The following SHLD1 variants were observed in gnomAD, a reference collection of about 807,000 sequenced individuals.
SHLD1 encodes the protein RINN1-REV7-interacting novel NHEJ regulator 3.
In SHLD1, 3 loss-of-function variants were observed where a neutral mutation model predicts 5.5. That is an observed-to-expected ratio of 0.54 (90% confidence interval 0.25 to 1.40). The LOEUF (loss-of-function observed/expected upper bound fraction) is 1.40, where lower values mean the gene tolerates loss of function less well. Ranked by LOEUF, SHLD1 falls within the 40% of genes most tolerant of loss-of-function variation. The probability of loss-of-function intolerance (pLI) is 0.15; values close to 1 mark genes in which losing one functional copy is unlikely to be tolerated. For missense variants in SHLD1, 210 were observed against 244.4 expected, an observed-to-expected ratio of 0.86 and a Z score of 0.94; for synonymous variants, 92 against 94.3, an observed-to-expected ratio of 0.98 and a Z score of 0.14.
intron 2 of SHLD1, among the ~76,000 whole-genome samples, chr20:5,809,261 C>G (rs1206601968): frequency 2.0e-5 from 3 of 152,056 alleles, no homozygotes; most frequent in African/African-American, 7.3e-5. Context: ...CATTTTAATT[C>G]CATGAAACAA....
intron 2 of SHLD1, among the ~76,000 whole-genome samples, chr20:5,830,210 A>G (rs1466187353): frequency 6.6e-6 from 1 of 152,234 alleles, no homozygotes; most frequent in Non-Finnish European, 1.5e-5. Context: ...GGCCCTAACT[A>G]GAAACTCTAT....
Position 5,863,004 on chromosome 20 carries a change from G to T in SHLD1, c.179-20G>T. 1 of 1,548,326 alleles carries T rather than the reference G, an allele frequency of 6.5e-7. No individual in the cohort carries two copies. Among genetic ancestry groups the T allele is most frequent in the Non-Finnish European group, 8.7e-7 (1 of 1,149,150 alleles). ...TTTTTGATTGTGTGTTTGAGTATTG[G>T]AATACGTTTTGTCTTGCAGACACCA... On this transcript the variant is annotated intron_variant, in intron 2 of 2. Transcript: ENST00000303142.
chr20:5,829,912 T>C (rs16991336), intron 2 of SHLD1, among the ~76,000 whole-genome samples: 13,065 of 152,076 alleles, frequency 0.086, 1,066 homozygotes, highest in African/African-American at 0.2. Context: ...TCTGTGAAGA[T>C]AATATTTTTA....
chr20:5,854,139 G>A (rs2088050585), intron 2 of SHLD1, among the ~76,000 whole-genome samples: 1 of 152,018 alleles, frequency 6.6e-6, no homozygotes, highest in Non-Finnish European at 1.5e-5. Flanking sequence ...CCAAGAAGCT[G>A]AGATTACAGG....
chr20:5,796,085 G>T (rs2087208707), intron 2 of SHLD1, among the ~76,000 whole-genome samples: 1 of 152,020 alleles, frequency 6.6e-6, no homozygotes, highest in Non-Finnish European at 1.5e-5. Context: ...GTAAAGATTA[G>T]CTGTTGAAGC....
At chr20:5,770,627 G>A (rs60664448) in intron 1 of SHLD1, among the ~76,000 whole-genome samples, 2 of 152,306 alleles carry the variant, frequency 1.3e-5, no homozygotes, top group East Asian at 1.9e-4. Flanking sequence ...AGTCCTTCCA[G>A]CAGGCATTTG....
At chr20:5,764,905 A>G (rs1302214837) in intron 1 of SHLD1, among the ~76,000 whole-genome samples, 1 of 152,080 alleles carries the variant, frequency 6.6e-6, no homozygotes, top group Non-Finnish European at 1.5e-5. Context: ...TTATGTGTGC[A>G]CCTTGATTGA....
In SHLD1 at chr20:5,863,375, C is replaced by T. The variant is rs1382666052; in HGVS notation, c.530C>T (p.Thr177Ile). 2.0e-5 allele frequency: 32 copies of T among 1,614,192 alleles called. No individual in the cohort carries two copies. The highest frequency in any genetic ancestry group is 2.7e-5 in the Non-Finnish European group (32 of 1,180,034). ...THFYPLEEGS[T>I]SLDDEKPNPG... ...TTCTACCCACTGGAGGAAGGAAGTACATCTTTGGATGATGAAAAGCCAAAC... is the reference window on the plus strand; with the variant it reads ...TTCTACCCACTGGAGGAAGGAAGTATATCTTTGGATGATGAAAAGCCAAAC... The change falls in exon 3 of 3, where the codon ACA (threonine) becomes ATA (isoleucine). Residue 177 changes from threonine (T) to isoleucine (I), a missense_variant. By Grantham distance (89) the Thr-to-Ile change is moderately conservative. Coordinates refer to ENST00000303142, the MANE Select transcript of SHLD1 (RefSeq NM_152504.4).
At chr20:5,860,674 A>C (rs756325849) in intron 2 of SHLD1, among the ~76,000 whole-genome samples, 8 of 151,914 alleles carry the variant, frequency 5.3e-5, no homozygotes, top group Non-Finnish European at 8.8e-5. Context: ...TGGTTTTCAC[A>C]AACCTGGCAC....
chr20:5,779,895 C>T (rs1047572740), intron 2 of SHLD1, among the ~76,000 whole-genome samples: 1 of 151,894 alleles, frequency 6.6e-6, no homozygotes, highest in Non-Finnish European at 1.5e-5. Flanking sequence ...GGACCTGGCT[C>T]CCCCAGCTAC....
intron 1 of SHLD1, among the ~76,000 whole-genome samples, chr20:5,757,758 A>T (rs551974632): frequency 4.4e-4 from 67 of 152,118 alleles, no homozygotes; most frequent in African/African-American, 1.5e-3. Flanking sequence ...GCCCACCACC[A>T]CACCTGGCTA....
chr20:5,750,259 G>A (rs1983647635), upstream of SHLD1: 1 of 152,168 alleles, frequency 6.6e-6, no homozygotes, highest in Non-Finnish European at 1.5e-5. Context: ...CATGTGGCAA[G>A]CCTCATTGAC....
chr20:5,819,337 T>C (rs565828113), intron 2 of SHLD1, among the ~76,000 whole-genome samples: 2 of 152,280 alleles, frequency 1.3e-5, no homozygotes, highest in East Asian at 3.9e-4. Flanking sequence ...TTGAACCAGA[T>C]TGATCTGGTG....
At chr20:5,770,422 C>T (rs1278021142) in intron 1 of SHLD1, among the ~76,000 whole-genome samples, 5 of 152,196 alleles carry the variant, frequency 3.3e-5, no homozygotes, top group Admixed American at 2.6e-4. Context: ...TCCTCTTCCT[C>T]TGTGGAGGAC....
chr20:5,864,242 CTT>C lies in SHLD1; in HGVS notation c.*780_*781del, dbSNP rs1242474380. ...AAATTCACAATTCTTTTTAAAATCT[CTT>C]GTCTTTTATCAGATTGCAAACGTGA... On this transcript the variant is annotated 3_prime_UTR_variant, in exon 3 of 3. Transcript: ENST00000303142. 1.3e-5 allele frequency among the ~76,000 whole-genome samples: 2 copies of C among 152,182 alleles called. No individual in the cohort carries two copies. Among genetic ancestry groups the C allele is most frequent in the Non-Finnish European group, 2.9e-5 (2 of 68,032 alleles).
intron 2 of SHLD1, among the ~76,000 whole-genome samples, chr20:5,811,658 C>A (rs1362364984): frequency 6.6e-6 from 1 of 151,912 alleles, no homozygotes; most frequent in Non-Finnish European, 1.5e-5. Context: ...AGTTCAAGAC[C>A]AGCCTGGGGA....
rs893851738 is a variant in SHLD1, at chr20:5,864,373, G to C, written c.*910G>C. On this transcript the variant is annotated 3_prime_UTR_variant, in exon 3 of 3. Transcript: ENST00000303142. ...GTGGCCTTGTCAAGTTGTGTTTGAA[G>C]AGAATAAATAATCCTTTGCCCAGGT... Among the ~76,000 whole-genome samples, 3 of 152,226 alleles carry C rather than the reference G, an allele frequency of 2.0e-5. No individual in the cohort carries two copies. The highest frequency in any genetic ancestry group is 4.4e-5 in the Non-Finnish European group (3 of 68,032).
chr20:5,757,426 T>C (rs1416081788), intron 1 of SHLD1, among the ~76,000 whole-genome samples: 1 of 151,970 alleles, frequency 6.6e-6, no homozygotes, highest in Non-Finnish European at 1.5e-5. Context: ...AAACTATGGG[T>C]TTTTCAAAAA....
chr20:5,831,068 A>G (rs1483631776), intron 2 of SHLD1, among the ~76,000 whole-genome samples: 4 of 152,216 alleles, frequency 2.6e-5, no homozygotes, highest in Non-Finnish European at 5.9e-5. Context: ...GTTGGTCACC[A>G]TCCTTCTGTG....
Sources: gnomAD v4.1 joint callset for allele counts (sites outside exome capture counted in the v4.1 genomes callset) on GRCh38, gnomAD v4.1.1 for gene constraint, MANE v1.5 for transcripts, NCBI Gene and HGNC (gene_info 2026-07-23, HGNC 2026-07-21) for gene names.